PDE4D: variants seen among roughly 807,000 people sequenced by gnomAD.
PDE4D encodes 3',5'-cyclic-AMP phosphodiesterase 4D.
PDE4D carries 24 observed loss-of-function variants against 87.4 expected under a neutral mutation model. The ratio of observed to expected loss-of-function variants is 0.27; its 90% CI spans 0.20 to 0.39. The LOEUF (loss-of-function observed/expected upper bound fraction) is 0.39. Among genes scored for constraint, PDE4D ranks in the 10% least tolerant of loss-of-function variants. The pLI, the probability that PDE4D is intolerant of heterozygous loss-of-function variation, is 1.00. For synonymous variants in PDE4D, 384 were observed against 383.2 expected (o/e 1.00, Z -0.02); for missense variants, 714 against 1,041.0 (o/e 0.69, Z 4.32).
At chr5:59,778,260 A>C (rs1482820576) in intron 1 of PDE4D, among the ~76,000 whole-genome samples, 1 of 152,182 alleles carries the variant, frequency 6.6e-6, no homozygotes, top group Non-Finnish European at 1.5e-5. Context: ...TTGACCTATT[A>C]TCTAAAGAAT....
intron 1 of PDE4D, among the ~76,000 whole-genome samples, chr5:59,738,207 C>T (rs376926030): frequency 8.6e-5 from 13 of 152,032 alleles, no homozygotes; most frequent in East Asian, 7.7e-4. Context: ...CAGTAATACA[C>T]GCAATGCTGA....
intron 1 of PDE4D, among the ~76,000 whole-genome samples, chr5:59,616,249 C>T (rs1057363728): frequency 6.6e-6 from 1 of 151,980 alleles, no homozygotes; most frequent in Non-Finnish European, 1.5e-5. Context: ...AACATGCTGG[C>T]TTTTTAAAAC....
At chr5:59,974,819 A>T (rs1761137070) in intron 3 of PDE4D, among the ~76,000 whole-genome samples, 1 of 151,970 alleles carries the variant, frequency 6.6e-6, no homozygotes, top group Non-Finnish European at 1.5e-5. Flanking sequence ...CTATCCTCCC[A>T]TTCTCATTCT....
chr5:59,090,791 T>G (rs113091141), intron 5 of PDE4D, among the ~76,000 whole-genome samples: 386 of 130,498 alleles, frequency 3.0e-3, no homozygotes, highest in African/African-American at 0.014. Context: ...AGTAGCCATG[T>G]TTTTTTTTTC....
At chr5:59,833,298 A>G (rs1741520299) in intron 1 of PDE4D, among the ~76,000 whole-genome samples, 1 of 151,992 alleles carries the variant, frequency 6.6e-6, no homozygotes, top group Non-Finnish European at 1.5e-5. Context: ...TGACAGCACA[A>G]GGAGGGAAAA....
intron 1 of PDE4D, among the ~76,000 whole-genome samples, chr5:60,401,721 C>G (rs888089415): frequency 9.2e-5 from 14 of 152,202 alleles, no homozygotes; most frequent in Non-Finnish European, 1.6e-4. Flanking sequence ...GAAACTCCAA[C>G]CCTGCTGAGA....
chr5:59,030,691 AC>A (rs1326789236), intron 6 of PDE4D, among the ~76,000 whole-genome samples: 1 of 152,206 alleles, frequency 6.6e-6, no homozygotes, highest in African/African-American at 2.4e-5. Context: ...TGATCACGCC[AC>A]TGCACTCCAG....
intron 3 of PDE4D, among the ~76,000 whole-genome samples, chr5:59,918,522 A>G (rs1003884133): frequency 3.3e-5 from 5 of 152,208 alleles, no homozygotes; most frequent in African/African-American, 1.2e-4. Context: ...GGCAAAAGTG[A>G]TGCCCTGTCA....
At chr5:60,051,643 C>A (rs886589333) in intron 2 of PDE4D, among the ~76,000 whole-genome samples, 4 of 151,938 alleles carry the variant, frequency 2.6e-5, no homozygotes, top group Non-Finnish European at 5.9e-5. Flanking sequence ...GAAGCAAGAG[C>A]AAACAAATTC....
chr5:59,284,082 T>C (rs1766388399), intron 1 of PDE4D, among the ~76,000 whole-genome samples: 1 of 152,196 alleles, frequency 6.6e-6, no homozygotes, highest in Non-Finnish European at 1.5e-5. Context: ...TTCAGATCTT[T>C]GCACACGCAT....
intron 1 of PDE4D, among the ~76,000 whole-genome samples, chr5:60,371,004 T>C (rs888324742): frequency 4.6e-5 from 7 of 152,176 alleles, no homozygotes; most frequent in African/African-American, 1.7e-4. Flanking sequence ...GGAGAAACCA[T>C]ATGTGAGCTC....
At chr5:60,390,150 C>T (rs1023067810) in intron 1 of PDE4D, among the ~76,000 whole-genome samples, 2 of 152,210 alleles carry the variant, frequency 1.3e-5, no homozygotes, top group Non-Finnish European at 2.9e-5. Flanking sequence ...GTGTCCAACC[C>T]ATGCAACTTC....
chr5:59,575,223 G>A (rs1561245213), intron 1 of PDE4D, among the ~76,000 whole-genome samples: 1 of 152,204 alleles, frequency 6.6e-6, no homozygotes, highest in East Asian at 1.9e-4. Flanking sequence ...AAAGAACGAA[G>A]AGCCACACGT....
chr5:59,674,793 T>C (rs186767400), intron 1 of PDE4D, among the ~76,000 whole-genome samples: 1 of 152,358 alleles, frequency 6.6e-6, no homozygotes, highest in East Asian at 1.9e-4. Flanking sequence ...GAGATTTCAA[T>C]AGTGTAACAC....
chr5:60,332,265 T>A (rs891627649), intron 1 of PDE4D, among the ~76,000 whole-genome samples: 1 of 152,206 alleles, frequency 6.6e-6, no homozygotes, highest in Non-Finnish European at 1.5e-5. Flanking sequence ...GGTTTGGGCT[T>A]CTATTGATCC....
At position 59,923,892 on chromosome 5, in the gene PDE4D, G is replaced by C. The variant is rs960504879; in HGVS notation, c.272+64596C>G. On this transcript the variant is annotated intron_variant, in intron 3 of 16. Coordinates refer to the PDE4D transcript ENST00000502484. ...GATCTCACCAAACAAATTAAATAAG[G>C]CTCCAGTGACCAATCCTGGAAAGAC... Among the ~76,000 whole-genome samples the C allele has an allele frequency of 4.6e-5, 7 of 152,262 alleles. No individual in the cohort carries two copies. In the East Asian group the frequency reaches 1.4e-3, roughly 29 times the overall value.
At chr5:60,158,803 T>C (rs1782219028) in intron 2 of PDE4D, among the ~76,000 whole-genome samples, 1 of 152,118 alleles carries the variant, frequency 6.6e-6, no homozygotes, top group Admixed American at 6.5e-5. Flanking sequence ...TCTCCTGACC[T>C]CGTGATCCGC....
At chr5:59,531,975 T>G (rs1814314682) in intron 1 of PDE4D, among the ~76,000 whole-genome samples, 2 of 152,214 alleles carry the variant, frequency 1.3e-5, no homozygotes, top group South Asian at 2.1e-4. Context: ...TTTGTTTGAT[T>G]CACTGTTATA....
chr5:59,112,325 C>A (rs148197871), intron 5 of PDE4D, among the ~76,000 whole-genome samples: 4 of 152,114 alleles, frequency 2.6e-5, no homozygotes, highest in Admixed American at 6.5e-5. Flanking sequence ...TTGGGCTACA[C>A]GTTGTGGGCC....
Sources: gnomAD v4.1 joint callset for allele counts (sites outside exome capture counted in the v4.1 genomes callset) on GRCh38, gnomAD v4.1.1 for gene constraint, MANE v1.5 for transcripts, NCBI Gene and HGNC (gene_info 2026-07-23, HGNC 2026-07-21) for gene names.